SLC28A1: variants seen among roughly 807,000 people sequenced by gnomAD.
SLC28A1 encodes solute carrier family 28 member 1.
Under a neutral mutation model 74.8 loss-of-function variants are expected in SLC28A1, and 64 were observed. That is an observed-to-expected ratio of 0.86 (90% CI 0.70 to 1.05). SLC28A1 has a LOEUF of 1.05. Among genes scored for constraint, SLC28A1 ranks in the 50% least tolerant of loss-of-function variants. The pLI is 0.00. For synonymous variants in SLC28A1, 359 were observed against 335.0 expected, an observed-to-expected ratio of 1.07 and a Z score of -0.78; for missense variants, 828 against 822.8, an observed-to-expected ratio of 1.01 and a Z score of -0.08.
At chr15:84,915,471 G>A (rs1016574143) in intron 9 of SLC28A1, among the ~76,000 whole-genome samples, 2 of 152,148 alleles carry the variant, frequency 1.3e-5, no homozygotes, top group East Asian at 1.9e-4. Flanking sequence ...AGCCCTTGCC[G>A]GGCCCTCACC....
intron 6 of SLC28A1, among the ~76,000 whole-genome samples, chr15:84,902,731 GTT>G (rs200395938): frequency 2.5e-4 from 35 of 140,014 alleles, no homozygotes; most frequent in South Asian, 6.9e-4. Context: ...AAGCATTTAA[GTT>G]TTTTTTTTTT....
chr15:84,889,147 C>T (rs1423384622), intron 4 of SLC28A1, among the ~76,000 whole-genome samples: 2 of 152,188 alleles, frequency 1.3e-5, no homozygotes, highest in Non-Finnish European at 2.9e-5. Flanking sequence ...CTCAACCTCC[C>T]CCTTCTGCCT....
chr15:84,954,897 G>T, the SLC28A1 span, among the ~76,000 whole-genome samples: 1 of 152,134 alleles, frequency 6.6e-6, no homozygotes, highest in Non-Finnish European at 1.5e-5. Context: ...TGACTGCTTT[G>T]AGAAAGACGG....
chr15:84,962,739 G>A, the SLC28A1 span, among the ~76,000 whole-genome samples: 1 of 152,182 alleles, frequency 6.6e-6, no homozygotes, highest in Non-Finnish European at 1.5e-5. Context: ...AGAAGGGAGA[G>A]GAAAAGATTT....
chr15:84,888,104 C>G (rs2141619997), intron 3 of SLC28A1, among the ~76,000 whole-genome samples: 1 of 152,268 alleles, frequency 6.6e-6, no homozygotes, highest in Non-Finnish European at 1.5e-5. Context: ...GTCTGAAAGT[C>G]CTAGTCTGAA....
At position 84,895,420 on chromosome 15, in the gene SLC28A1, C is replaced by G. The variant is rs769108342; in HGVS notation, c.461+297C>G. The G allele has an allele frequency of 2.5e-5, 40 of 1,613,892 alleles. No homozygotes were observed. The highest frequency in any genetic ancestry group is 3.4e-5 in the Non-Finnish European group (40 of 1,179,994). ...GCAAGGAGGGCCCGAATCAGTACCT[C>G]CCTCAGATCACCTGGACAGTGTGAG... On this transcript the variant is annotated intron_variant, in intron 6 of 18. Transcript: ENST00000394573.
intron 11 of SLC28A1, among the ~76,000 whole-genome samples, chr15:84,921,611 T>C (rs1969840740): frequency 6.6e-6 from 1 of 152,204 alleles, no homozygotes; most frequent in Non-Finnish European, 1.5e-5. Context: ...CCAAGGCCTG[T>C]CCTGGCCCAT....
chr15:84,949,561 G>C (rs2079346445), downstream of SLC28A1, among the ~76,000 whole-genome samples: 1 of 126,372 alleles, frequency 7.9e-6, no homozygotes, highest in Admixed American at 9.8e-5. Flanking sequence ...ACCATGCCCG[G>C]CTAATTTTTT....
intron 12 of SLC28A1, among the ~76,000 whole-genome samples, chr15:84,928,527 GTTCT>G (rs1200042713): frequency 0.04 from 1,884 of 47,156 alleles, 229 homozygotes; most frequent in Admixed American, 0.063. Flanking sequence ...AGGTTCGTTC[GTTCT>G]TTCTTTCTTT....
At chr15:84,943,876 C>A (rs919127022) in intron 16 of SLC28A1, among the ~76,000 whole-genome samples, 7 of 152,050 alleles carry the variant, frequency 4.6e-5, no homozygotes, top group Non-Finnish European at 1.5e-5. Context: ...TGCACTCCAG[C>A]CTGGGCTACA....
At chr15:84,914,144 C>T (rs1296871007) in intron 9 of SLC28A1, among the ~76,000 whole-genome samples, 1 of 152,062 alleles carries the variant, frequency 6.6e-6, no homozygotes, top group Admixed American at 6.6e-5. Flanking sequence ...GATACAGGGT[C>T]TCACTATATT....
chr15:84,913,431 C>A (rs1968628408), intron 9 of SLC28A1, among the ~76,000 whole-genome samples: 1 of 152,150 alleles, frequency 6.6e-6, no homozygotes, highest in African/African-American at 2.4e-5. Context: ...TGTTTCTTGG[C>A]CCAGGTGATG....
At chr15:84,960,225 C>CTGCT in the SLC28A1 span, among the ~76,000 whole-genome samples, 1 of 130,724 alleles carries the variant, frequency 7.6e-6, no homozygotes, top group East Asian at 2.8e-4. Context: ...CTGTGCCTGC[C>CTGCT]TGCTTTTTTT....
chr15:84,945,228 T>A lies in SLC28A1; in HGVS notation c.*28T>A, dbSNP rs1729115451. ...ACAGAACATGCTTGTGCTTCTGCGC[T>A]TCTGAGGGCTGTTCTCCCCCGGGAA... On this transcript the variant is annotated 3_prime_UTR_variant, in exon 19 of 19. Transcript: ENST00000394573. 1.2e-6 allele frequency: 2 copies of A among 1,604,594 alleles called. No homozygotes were observed. The highest frequency in any genetic ancestry group is 1.7e-5 in the Admixed American group (1 of 59,986).
chr15:84,962,056 G>T, the SLC28A1 span, among the ~76,000 whole-genome samples: 283 of 152,088 alleles, frequency 1.9e-3, 2 homozygotes, highest in African/African-American at 6.6e-3. Flanking sequence ...CAATAATCTT[G>T]ACCTAAATTT....
At chr15:84,896,273 T>G (rs988495524) in intron 6 of SLC28A1, among the ~76,000 whole-genome samples, 1 of 152,136 alleles carries the variant, frequency 6.6e-6, no homozygotes, top group Non-Finnish European at 1.5e-5. Flanking sequence ...AACTCAACCA[T>G]AAAAAGACAA....
At chr15:84,909,225 C>A (rs1341509411) in intron 9 of SLC28A1, among the ~76,000 whole-genome samples, 1 of 152,088 alleles carries the variant, frequency 6.6e-6, no homozygotes, top group African/African-American at 2.4e-5. Flanking sequence ...AGGCGCTCCT[C>A]CTTCAGGGCC....
At chr15:84,904,792 GTACTAAATTCTGATGTGT>G (rs545186561) in intron 7 of SLC28A1, among the ~76,000 whole-genome samples, 15,766 of 87,470 alleles carry the variant, frequency 0.18, 1,068 homozygotes, top group South Asian at 0.25. Context: ...ATTCTGATGT[GTACTAAATTCTGATGTGT>G]ACTAAATTCT....
intron 6 of SLC28A1, among the ~76,000 whole-genome samples, chr15:84,899,341 A>AG (rs1421309360): frequency 6.6e-6 from 1 of 152,138 alleles, no homozygotes; most frequent in Non-Finnish European, 1.5e-5. Flanking sequence ...GAAGGAGGGC[A>AG]GAAAAAAAAT....
Sources: gnomAD v4.1 joint callset for allele counts (sites outside exome capture counted in the v4.1 genomes callset) on GRCh38, gnomAD v4.1.1 for gene constraint, MANE v1.5 for transcripts, NCBI Gene and HGNC (gene_info 2026-07-23, HGNC 2026-07-21) for gene names.